TEX11: variants seen among roughly 807,000 people sequenced by gnomAD.
The protein encoded by TEX11 is testis expressed 11.
Under a neutral mutation model 84.4 loss-of-function variants are expected in TEX11, and 7 were observed. That is an observed-to-expected ratio of 0.08 (90% CI 0.05 to 0.16). The LOEUF (loss-of-function observed/expected upper bound fraction) is 0.16. Ranked by LOEUF, TEX11 falls within the 10% of genes least tolerant of loss-of-function variation. TEX11 has a pLI of 1.00. For synonymous variants in TEX11, 264 were observed against 222.8 expected, an observed-to-expected ratio of 1.18 and a Z score of -1.64; for missense variants, 551 against 660.5, an observed-to-expected ratio of 0.83 and a Z score of 1.82.
intron 20 of TEX11, among the ~76,000 whole-genome samples, chrX:70,618,904 G>A (rs2089349694): frequency 9.0e-6 from 1 of 111,140 alleles, no homozygotes; most frequent in Non-Finnish European, 1.9e-5. Context: ...TAAAATGGGG[G>A]CAGACATAGG....
At position 70,753,670 on chromosome X, in the gene TEX11, G is replaced by A. The variant is rs1461464657; in HGVS notation, c.693-9451C>T. On this transcript the variant is annotated intron_variant, in intron 9 of 29. Coordinates refer to ENST00000374333, the MANE Select transcript of TEX11 (RefSeq NM_031276.3). ...TGAGACTCAGTGCATTACTAGCTGT[G>A]GTGGATATGAGGCGAAACTCCTTTT... is the stretch of plus-strand genomic sequence containing the variant. Among the ~76,000 whole-genome samples the A allele has an allele frequency of 2.7e-5, 3 of 110,647 alleles. No individual in the cohort carries two copies. In the Admixed American group the frequency reaches 2.9e-4, roughly 11 times the overall value.
intron 9 of TEX11, among the ~76,000 whole-genome samples, chrX:70,798,071 G>A (rs998636382): frequency 2.8e-5 from 3 of 106,398 alleles, no homozygotes; most frequent in Non-Finnish European, 5.8e-5. Flanking sequence ...AAGTAAAATT[G>A]TTTGCAGATG....
intron 2 of TEX11, among the ~76,000 whole-genome samples, chrX:70,900,702 C>T (rs888280318): frequency 5.4e-5 from 6 of 110,133 alleles, no homozygotes; most frequent in Non-Finnish European, 9.5e-5. Context: ...GCCTATAATC[C>T]CAGCAGTTTG....
chrX:70,673,255 G>GACT (rs1332654745), intron 15 of TEX11, among the ~76,000 whole-genome samples: 8 of 111,281 alleles, frequency 7.2e-5, no homozygotes, highest in Non-Finnish European at 1.5e-4. Context: ...GAGTAGCTGG[G>GACT]ACTACAGGTG....
chrX:70,847,639 A>G (rs1423988992), intron 7 of TEX11, among the ~76,000 whole-genome samples: 5 of 111,637 alleles, frequency 4.5e-5, no homozygotes, highest in Non-Finnish European at 9.4e-5. Context: ...TGCAGCCTCA[A>G]TCTGTGATCC....
intron 13 of TEX11, among the ~76,000 whole-genome samples, chrX:70,688,269 A>G: frequency 9.0e-6 from 1 of 111,438 alleles, no homozygotes; most frequent in East Asian, 2.8e-4. Flanking sequence ...TACAGGAGCC[A>G]TTTCACTGCT....
intron 11 of TEX11, among the ~76,000 whole-genome samples, chrX:70,732,457 A>T (rs190288551): frequency 1.7e-3 from 193 of 112,081 alleles, no homozygotes; most frequent in African/African-American, 4.4e-3. Context: ...GCAAAGTCTC[A>T]GGACACAAAG....
intron 25 of TEX11, among the ~76,000 whole-genome samples, chrX:70,566,642 T>A (rs1445953460): frequency 9.0e-6 from 1 of 111,661 alleles, no homozygotes; most frequent in African/African-American, 3.3e-5. Context: ...AATGGCCTTT[T>A]CTGCATCTAT....
In TEX11 at chrX:70,630,907, GAAT is replaced by G. The variant is rs1321430361; in HGVS notation, c.1484-1175_1484-1173del. Among the ~76,000 whole-genome samples the G allele has an allele frequency of 2.7e-5, 3 of 112,005 alleles. No homozygotes were observed. In the Admixed American group the frequency reaches 2.8e-4, roughly 11 times the overall value. ...CAGATAAAGTGAATTTCAGAGCAAAGAATATTATTGGCAATAAAAGGTTATTTC... is the reference window on the plus strand; with the variant it reads ...CAGATAAAGTGAATTTCAGAGCAAAGATTATTGGCAATAAAAGGTTATTTC... On this transcript the variant is annotated intron_variant, in intron 17 of 29. Transcript: ENST00000374333.
intron 8 of TEX11, among the ~76,000 whole-genome samples, chrX:70,815,655 G>C (rs1330448200): frequency 9.0e-6 from 1 of 111,179 alleles, no homozygotes; most frequent in Non-Finnish European, 1.9e-5. Context: ...TATAGGATTT[G>C]GTACTATCCG....
chrX:70,813,398 G>C (rs7878955), intron 8 of TEX11, among the ~76,000 whole-genome samples: 1 of 110,576 alleles, frequency 9.0e-6, no homozygotes, highest in African/African-American at 3.3e-5. Context: ...AAATTCAACA[G>C]CCCTTCATGC....
At chrX:70,543,098 C>T (rs889215279) in intron 28 of TEX11, among the ~76,000 whole-genome samples, 3 of 111,046 alleles carry the variant, frequency 2.7e-5, no homozygotes, top group Non-Finnish European at 3.8e-5. Flanking sequence ...AGGAGAATGG[C>T]GTGAACCTGG....
At chrX:70,597,323 A>T (rs1435597871) in intron 24 of TEX11, among the ~76,000 whole-genome samples, 3 of 111,694 alleles carry the variant, frequency 2.7e-5, no homozygotes, top group Non-Finnish European at 5.6e-5. Context: ...TAGCCAGAAC[A>T]ATCTTTAAAA....
At chrX:70,883,654 C>T (rs917490047) in intron 2 of TEX11, among the ~76,000 whole-genome samples, 27 of 111,354 alleles carry the variant, frequency 2.4e-4, no homozygotes, top group African/African-American at 8.2e-4. Flanking sequence ...CAAGATTGTA[C>T]GTTTTGAAAA....
chrX:70,582,762 A>ATTTATTTATTTATTTATTTT (rs67328060), intron 25 of TEX11, among the ~76,000 whole-genome samples: 10 of 96,027 alleles, frequency 1.0e-4, no homozygotes, highest in South Asian at 4.6e-4. Context: ...TTATTTATTT[A>ATTTATTTATTTATTTATTTT]TGTGATGGAA....
intron 9 of TEX11, among the ~76,000 whole-genome samples, chrX:70,801,770 G>C (rs73222714): frequency 0.069 from 7,485 of 107,802 alleles, 216 homozygotes; most frequent in East Asian, 0.12. Flanking sequence ...AATTTGCTGA[G>C]AGTAGATATT....
chrX:70,518,108 G>C, the TEX11 span, among the ~76,000 whole-genome samples: 9 of 108,594 alleles, frequency 8.3e-5, no homozygotes, highest in African/African-American at 3.0e-4. Flanking sequence ...AAGGGTTTTT[G>C]TGTCTCTATC....
intron 25 of TEX11, among the ~76,000 whole-genome samples, chrX:70,565,939 A>G (rs1424379128): frequency 9.1e-6 from 1 of 110,193 alleles, no homozygotes; most frequent in Non-Finnish European, 1.9e-5. Flanking sequence ...AATTCTGTGA[A>G]GAAAGTCATT....
intron 16 of TEX11, among the ~76,000 whole-genome samples, chrX:70,656,565 C>G (rs1416415893): frequency 9.0e-6 from 1 of 111,572 alleles, no homozygotes; most frequent in African/African-American, 3.3e-5. Context: ...GCGTTTATAA[C>G]AAAACTGAGT....
Sources: gnomAD v4.1 joint callset for allele counts (sites outside exome capture counted in the v4.1 genomes callset) on GRCh38, gnomAD v4.1.1 for gene constraint, MANE v1.5 for transcripts, NCBI Gene and HGNC (gene_info 2026-07-23, HGNC 2026-07-21) for gene names.